CSMD1: variants seen among roughly 807,000 people sequenced by gnomAD.
CSMD1 encodes the protein CUB and sushi domain-containing protein 1.
A neutral mutation model predicts 417.5 loss-of-function variants in CSMD1; 213 were observed. The ratio of observed to expected loss-of-function variants is 0.51; its 90% CI spans 0.46 to 0.57. The LOEUF (loss-of-function observed/expected upper bound fraction) is 0.57. Ranked by LOEUF, CSMD1 falls within the 20% of genes least tolerant of loss-of-function variation. CSMD1 has a pLI of 0.00. For synonymous variants in CSMD1, 2,862 were observed against 1,736.8 expected, an observed-to-expected ratio of 1.65 and a Z score of -16.11; for missense variants, 6,923 against 4,529.7, an observed-to-expected ratio of 1.53 and a Z score of -15.17.
intron 10 of CSMD1, among the ~76,000 whole-genome samples, chr8:3,529,757 C>CA (rs1158166822): frequency 6.6e-6 from 1 of 152,170 alleles, no homozygotes; most frequent in Non-Finnish European, 1.5e-5. Flanking sequence ...TTTAGCCATG[C>CA]AAAATGCATC....
At chr8:3,085,225 A>G (rs1814438066) in intron 49 of CSMD1, among the ~76,000 whole-genome samples, 1 of 152,202 alleles carries the variant, frequency 6.6e-6, no homozygotes, top group African/African-American at 2.4e-5. Context: ...AAAAATAAGT[A>G]GTTCAACTGG....
At chr8:4,920,902 A>AGAG (rs779278245) in intron 1 of CSMD1, among the ~76,000 whole-genome samples, 1 of 66,726 alleles carries the variant, frequency 1.5e-5, no homozygotes, top group Non-Finnish European at 3.4e-5. Context: ...AAAAGAAAAG[A>AGAG]AAAGAAAAGA....
chr8:3,954,331 G>A (rs1461904147), intron 5 of CSMD1, among the ~76,000 whole-genome samples: 1 of 152,144 alleles, frequency 6.6e-6, no homozygotes, highest in Admixed American at 6.5e-5. Context: ...GCTGAAGAGA[G>A]AAGGTCAAGA....
chr8:4,566,703 G>A (rs1323878179), intron 2 of CSMD1, among the ~76,000 whole-genome samples: 2 of 148,252 alleles, frequency 1.3e-5, no homozygotes, highest in Non-Finnish European at 3.0e-5. Flanking sequence ...GTATAATTTT[G>A]GAATACATAT....
chr8:4,921,541 T>C (rs1269838896), intron 1 of CSMD1, among the ~76,000 whole-genome samples: 4 of 152,202 alleles, frequency 2.6e-5, no homozygotes, highest in Admixed American at 2.0e-4. Flanking sequence ...AAAATGGCAC[T>C]TTAAACTGTG....
intron 2 of CSMD1, among the ~76,000 whole-genome samples, chr8:4,450,470 A>C (rs996798956): frequency 1.3e-5 from 2 of 152,260 alleles, no homozygotes; most frequent in East Asian, 1.9e-4. Flanking sequence ...TACTGAAAAT[A>C]CAAAATTGAC....
intron 12 of CSMD1, among the ~76,000 whole-genome samples, chr8:3,410,491 T>G (rs1812617542): frequency 6.6e-6 from 1 of 152,156 alleles, no homozygotes; most frequent in Non-Finnish European, 1.5e-5. Flanking sequence ...TGAATAAGGC[T>G]CAGGAGGTCT....
intron 26 of CSMD1, among the ~76,000 whole-genome samples, chr8:3,266,404 G>T (rs1191838100): frequency 6.6e-6 from 1 of 151,706 alleles, no homozygotes; most frequent in African/African-American, 2.4e-5. Context: ...CTAGGAGATT[G>T]AGACCAGCCT....
At chr8:4,851,500 C>T (rs759843142) in intron 1 of CSMD1, among the ~76,000 whole-genome samples, 19 of 152,004 alleles carry the variant, frequency 1.2e-4, no homozygotes, top group East Asian at 1.9e-4. Context: ...TCATCCATGG[C>T]GCTTCTCACT....
chr8:4,390,089 C>A (rs1327126130), intron 3 of CSMD1, among the ~76,000 whole-genome samples: 1 of 152,174 alleles, frequency 6.6e-6, no homozygotes, highest in Non-Finnish European at 1.5e-5. Context: ...TCTATGCATT[C>A]TCCTAAACAT....
chr8:3,387,804 T>C (rs1355587367), intron 17 of CSMD1, 122 bp from the exon 18 acceptor site: 8 of 775,996 alleles, frequency 1.0e-5, no homozygotes, highest in African/African-American at 1.8e-5. Context: ...ATTATGCAAG[T>C]GAACCCAACA....
chr8:3,706,993 AT>A (rs550739871), intron 7 of CSMD1, among the ~76,000 whole-genome samples: 6,633 of 150,070 alleles, frequency 0.044, 216 homozygotes, highest in South Asian at 0.074. Flanking sequence ...TTACAGATTG[AT>A]TTTTTTTTTC....
chr8:4,619,703 T>C (rs537836746), intron 2 of CSMD1, among the ~76,000 whole-genome samples: 4 of 152,272 alleles, frequency 2.6e-5, no homozygotes, highest in South Asian at 2.1e-4. Flanking sequence ...TTTGAAGCTA[T>C]TGTTGACCTG....
intron 3 of CSMD1, among the ~76,000 whole-genome samples, chr8:4,187,918 A>G (rs1172904912): frequency 6.6e-6 from 1 of 152,106 alleles, no homozygotes; most frequent in Non-Finnish European, 1.5e-5. Flanking sequence ...TTTGTTGTTA[A>G]TAAAATACAA....
chr8:4,566,516 G>T (rs1459857338), intron 2 of CSMD1, among the ~76,000 whole-genome samples: 2 of 151,820 alleles, frequency 1.3e-5, no homozygotes, highest in Non-Finnish European at 2.9e-5. Context: ...AGCCGGGCGT[G>T]GTGGCGGGCG....
chr8:4,503,339 T>G (rs1460360942), intron 2 of CSMD1, among the ~76,000 whole-genome samples: 1 of 152,146 alleles, frequency 6.6e-6, no homozygotes, highest in Non-Finnish European at 1.5e-5. Flanking sequence ...GTGACTACCA[T>G]TTAACATTTT....
intron 1 of CSMD1, among the ~76,000 whole-genome samples, chr8:4,872,042 C>A (rs1016746657): frequency 2.0e-5 from 3 of 152,100 alleles, no homozygotes; most frequent in Admixed American, 6.6e-5. Context: ...CTCCTGCAGA[C>A]AATATTAATA....
chr8:4,102,927 T>A (rs996191820), intron 3 of CSMD1, among the ~76,000 whole-genome samples: 1 of 152,196 alleles, frequency 6.6e-6, no homozygotes, highest in African/African-American at 2.4e-5. Context: ...GTCACACATT[T>A]ACTTTAAAAA....
intron 3 of CSMD1, among the ~76,000 whole-genome samples, chr8:4,206,913 A>T (rs1228901972): frequency 6.6e-6 from 1 of 152,206 alleles, no homozygotes; most frequent in East Asian, 1.9e-4. Context: ...TATAATTTAG[A>T]GTTGGGCAAA....
Sources: gnomAD v4.1 joint callset for allele counts (sites outside exome capture counted in the v4.1 genomes callset) on GRCh38, gnomAD v4.1.1 for gene constraint, MANE v1.5 for transcripts, NCBI Gene and HGNC (gene_info 2026-07-23, HGNC 2026-07-21) for gene names.